Variants in UXS1 observed in about 807,000 individuals in gnomAD.
The protein encoded by UXS1 is UDP-glucuronic acid decarboxylase 1.
Under a neutral mutation model 62.6 loss-of-function variants are expected in UXS1, and 33 were observed. The observed-to-expected ratio is 0.53, with a 90% CI of 0.40 to 0.70. The LOEUF is 0.70. Among genes scored for constraint, UXS1 ranks in the 30% least tolerant of loss-of-function variants. The probability of loss-of-function intolerance (pLI) is 0.00; values close to 1 mark genes in which losing one functional copy is unlikely to be tolerated. For synonymous variants in UXS1, 213 were observed against 206.8 expected, an observed-to-expected ratio of 1.03 and a Z score of -0.26; for missense variants, 434 against 556.3, an observed-to-expected ratio of 0.78 and a Z score of 2.21.
chr2:106,162,875 A>G (rs1224307005), intron 4 of UXS1, among the ~76,000 whole-genome samples: 5 of 152,100 alleles, frequency 3.3e-5, no homozygotes, highest in Non-Finnish European at 7.4e-5. Context: ...ACTGCTCTTC[A>G]TTTTTTCATT....
intron 1 of UXS1, among the ~76,000 whole-genome samples, chr2:106,174,632 C>T (rs984919663): frequency 6.6e-6 from 1 of 152,136 alleles, no homozygotes; most frequent in Non-Finnish European, 1.5e-5. Flanking sequence ...GTGGGGCGCA[C>T]GTAGTGAGAG....
At chr2:106,186,980 G>A (rs1573594577) in intron 1 of UXS1, among the ~76,000 whole-genome samples, 1 of 152,002 alleles carries the variant, frequency 6.6e-6, no homozygotes, top group Non-Finnish European at 1.5e-5. Context: ...TTTATTCTTA[G>A]GAGATATATG....
intron 9 of UXS1, among the ~76,000 whole-genome samples, chr2:106,122,360 C>T (rs1241510949): frequency 6.6e-6 from 1 of 152,202 alleles, no homozygotes; most frequent in Non-Finnish European, 1.5e-5. Flanking sequence ...GGGCAGGCTT[C>T]ACAAACCCTG....
Position 106,192,551 on chromosome 2 carries a change from G to C in UXS1, c.94+1597C>G, listed in dbSNP as rs1177904922. 2.4e-4 allele frequency among the ~76,000 whole-genome samples: 11 copies of C among 46,088 alleles called. No individual in the cohort carries two copies. In the South Asian group the frequency reaches 0.013, roughly 53 times the overall value. 30.2% of individuals were successfully genotyped at this position (46,088 alleles called of 152,430 possible). ...CCTGGGCTGAACAGAGCGAGACTCC[G>C]TCTCAAAAAAAAAAAAAAAACTTCC... On this transcript the variant is annotated intron_variant, in intron 1 of 14. Coordinates refer to ENST00000283148, the MANE Select transcript of UXS1 (RefSeq NM_001253875.2).
chr2:106,172,411 C>G (rs1683622763), intron 1 of UXS1, among the ~76,000 whole-genome samples: 1 of 152,242 alleles, frequency 6.6e-6, no homozygotes, highest in South Asian at 2.1e-4. Flanking sequence ...CAGAGGCCAT[C>G]AGTCACAGGG....
At chr2:106,101,936 G>C (rs1454853363) in intron 11 of UXS1, 1 of 152,176 alleles carries the variant, frequency 6.6e-6, no homozygotes, top group African/African-American at 2.4e-5. Context: ...ACAATTCTTA[G>C]AAGACTTTTA....
intron 1 of UXS1, among the ~76,000 whole-genome samples, chr2:106,186,810 C>T (rs1684587154): frequency 6.6e-6 from 1 of 151,728 alleles, no homozygotes; most frequent in Non-Finnish European, 1.5e-5. Flanking sequence ...AGATTGAAAC[C>T]CTGTCTCAAA....
At chr2:106,159,052 G>GC (rs1682688820) in intron 4 of UXS1, 1 of 152,130 alleles carries the variant, frequency 6.6e-6, no homozygotes, top group African/African-American at 2.4e-5. Context: ...AAAAACTCAA[G>GC]CCGCCGAGTT....
chr2:106,181,873 T>C (rs1053552889), intron 1 of UXS1, among the ~76,000 whole-genome samples: 1 of 152,224 alleles, frequency 6.6e-6, no homozygotes, highest in Admixed American at 6.5e-5. Flanking sequence ...CTCTATTATT[T>C]CTTTCTGAAA....
chr2:106,161,004 G>A (rs1252920417), intron 4 of UXS1, among the ~76,000 whole-genome samples: 1 of 152,092 alleles, frequency 6.6e-6, no homozygotes, highest in African/African-American at 2.4e-5. Flanking sequence ...GAGTGCCTGT[G>A]GGGTCCTCCT....
intron 2 of UXS1, among the ~76,000 whole-genome samples, chr2:106,165,587 T>C (rs1288556531): frequency 6.6e-6 from 1 of 152,170 alleles, no homozygotes. Context: ...TCCTGCCCTA[T>C]GAAGAAGCAC....
At chr2:106,121,827 G>C (rs994065929) in intron 9 of UXS1, among the ~76,000 whole-genome samples, 3 of 152,176 alleles carry the variant, frequency 2.0e-5, no homozygotes, top group Non-Finnish European at 4.4e-5. Context: ...ATGAGAAAGA[G>C]AGTCCTCGAC....
intron 6 of UXS1, among the ~76,000 whole-genome samples, chr2:106,142,505 C>T (rs1460791274): frequency 6.6e-6 from 1 of 152,092 alleles, no homozygotes; most frequent in Non-Finnish European, 1.5e-5. Flanking sequence ...TAGTGTAATT[C>T]CACTCTGGTC....
At chr2:106,162,033 G>A (rs1056894095) in intron 4 of UXS1, among the ~76,000 whole-genome samples, 1 of 152,186 alleles carries the variant, frequency 6.6e-6, no homozygotes, top group African/African-American at 2.4e-5. Context: ...GTCAGGAAAA[G>A]TAAGCTAGAC....
At chr2:106,141,518 T>C (rs1184530370) in intron 6 of UXS1, among the ~76,000 whole-genome samples, 1 of 149,558 alleles carries the variant, frequency 6.7e-6, no homozygotes, top group Non-Finnish European at 1.5e-5. Context: ...TGGAGTGCGG[T>C]GCAGTCATGG....
chr2:106,193,775 T>G (rs1022534008), intron 1 of UXS1, among the ~76,000 whole-genome samples: 2 of 151,090 alleles, frequency 1.3e-5, no homozygotes, highest in Non-Finnish European at 2.9e-5. Context: ...CCCAAGGGTA[T>G]CCCCACGCGG....
intron 9 of UXS1, among the ~76,000 whole-genome samples, chr2:106,121,335 C>T (rs1488693470): frequency 1.3e-5 from 2 of 152,134 alleles, no homozygotes; most frequent in Non-Finnish European, 2.9e-5. Flanking sequence ...ACTACATTAG[C>T]CGAATAATCA....
chr2:106,143,408 C>CAAAAAAAAAAAAAAAAAAAAA lies in UXS1; in HGVS notation c.472+1761_472+1781dup, dbSNP rs60493984. On this transcript the variant is annotated intron_variant, in intron 6 of 14. Transcript: ENST00000283148. ...TGGGCAACAGAGAGAGACTCCGTCT[C>CAAAAAAAAAAAAAAAAAAAAA]AAAAAAAAAAAAAAAAAAAAAAAAA... Among the ~76,000 whole-genome samples the CAAAAAAAAAAAAAAAAAAAAA allele has an allele frequency of 1.6e-4, 6 of 38,654 alleles. 1 individual carries two copies. The highest frequency in any genetic ancestry group is 1.6e-3 in the South Asian group (1 of 644). The allele number at this position is 38,654 out of a possible 152,430, so 25.4% of individuals were successfully genotyped here. A position where few individuals can be genotyped will look rare whatever the true frequency, so the allele number is the denominator to read the frequency against.
chr2:106,109,663 C>T (rs1329549027), intron 10 of UXS1, among the ~76,000 whole-genome samples: 1 of 152,198 alleles, frequency 6.6e-6, no homozygotes, highest in Admixed American at 6.5e-5. Flanking sequence ...GCAAACTTTG[C>T]TGAACATGAT....
Sources: gnomAD v4.1 joint callset for allele counts (sites outside exome capture counted in the v4.1 genomes callset) on GRCh38, gnomAD v4.1.1 for gene constraint, MANE v1.5 for transcripts, NCBI Gene and HGNC (gene_info 2026-07-23, HGNC 2026-07-21) for gene names.